Variants in LRRC7 observed in about 807,000 individuals in gnomAD.
The protein encoded by LRRC7 is leucine rich repeat containing 7.
A neutral mutation model predicts 175.7 loss-of-function variants in LRRC7; 23 were observed. That is an observed-to-expected ratio of 0.13 (90% CI 0.09 to 0.19). LRRC7 has a LOEUF of 0.19. Among genes scored for constraint, LRRC7 ranks in the 10% least tolerant of loss-of-function variants. The pLI, the probability that LRRC7 is intolerant of heterozygous loss-of-function variation, is 1.00. For synonymous variants in LRRC7, 685 were observed against 680.9 expected, an observed-to-expected ratio of 1.01 and a Z score of -0.09; for missense variants, 1,354 against 1,904.7, an observed-to-expected ratio of 0.71 and a Z score of 5.38.
intron 25 of LRRC7, among the ~76,000 whole-genome samples, chr1:70,106,755 A>C (rs1665172939): frequency 6.6e-6 from 1 of 152,144 alleles, no homozygotes; most frequent in South Asian, 2.1e-4. Context: ...GAAATTTCCC[A>C]GATATAACAG....
chr1:69,950,096 T>C (rs17131089), intron 8 of LRRC7, among the ~76,000 whole-genome samples: 3,400 of 152,250 alleles, frequency 0.022, 111 homozygotes, highest in African/African-American at 0.078. Context: ...GTTTACTCTA[T>C]GTTTATGTAG....
At chr1:70,080,891 A>G (rs780918710) in intron 24 of LRRC7, among the ~76,000 whole-genome samples, 1 of 152,230 alleles carries the variant, frequency 6.6e-6, no homozygotes, top group African/African-American at 2.4e-5. Flanking sequence ...AAAACCCTTC[A>G]TCAGAATATT....
intron 4 of LRRC7, among the ~76,000 whole-genome samples, chr1:69,820,878 G>A (rs893626236): frequency 6.6e-6 from 1 of 152,174 alleles, no homozygotes; most frequent in Non-Finnish European, 1.5e-5. Flanking sequence ...TATATACCCA[G>A]TAATGGGATT....
intron 3 of LRRC7, among the ~76,000 whole-genome samples, chr1:69,782,106 T>C (rs915328221): frequency 6.6e-6 from 1 of 152,172 alleles, no homozygotes; most frequent in Non-Finnish European, 1.5e-5. Flanking sequence ...AATACCTTAT[T>C]TACAACATTG....
intron 11 of LRRC7, among the ~76,000 whole-genome samples, chr1:70,007,499 G>GA (rs1656095716): frequency 2.0e-5 from 3 of 151,596 alleles, no homozygotes; most frequent in African/African-American, 7.3e-5. Context: ...TAGGAAAAAT[G>GA]AAAAAAATAG....
chr1:69,608,497 G>T (rs982720762), intron 1 of LRRC7, among the ~76,000 whole-genome samples: 5 of 152,014 alleles, frequency 3.3e-5, no homozygotes, highest in Non-Finnish European at 5.9e-5. Flanking sequence ...AGATCATGCT[G>T]CCAGCCAGTG....
chr1:70,044,739 CA>C (rs1275383535), intron 22 of LRRC7, among the ~76,000 whole-genome samples: 2 of 152,108 alleles, frequency 1.3e-5, no homozygotes, highest in Non-Finnish European at 2.9e-5. Flanking sequence ...GAAACATTTC[CA>C]TTGTTAAAGG....
chr1:69,741,884 G>A (rs991073548), intron 2 of LRRC7, among the ~76,000 whole-genome samples: 7 of 151,814 alleles, frequency 4.6e-5, no homozygotes, highest in East Asian at 1.9e-4. Context: ...AGATACAAAC[G>A]CAAATCTGAT....
At chr1:69,674,323 C>T (rs1036065045) in intron 1 of LRRC7, among the ~76,000 whole-genome samples, 8 of 152,064 alleles carry the variant, frequency 5.3e-5, no homozygotes, top group Non-Finnish European at 7.4e-5. Flanking sequence ...CTTAGTTGAG[C>T]CTTCTTCTAC....
chr1:69,909,598 C>T (rs539414294), intron 7 of LRRC7, among the ~76,000 whole-genome samples: 4 of 152,198 alleles, frequency 2.6e-5, no homozygotes, highest in South Asian at 2.1e-4. Flanking sequence ...TAATATTGGC[C>T]CCCACTCTCT....
intron 7 of LRRC7, among the ~76,000 whole-genome samples, chr1:69,886,593 A>C (rs1051036983): frequency 6.6e-6 from 1 of 150,540 alleles, no homozygotes. Flanking sequence ...TGTGTCTTTT[A>C]ATTGGAGCAT....
At chr1:69,950,189 A>G (rs1649773467) in intron 8 of LRRC7, among the ~76,000 whole-genome samples, 1 of 152,130 alleles carries the variant, frequency 6.6e-6, no homozygotes, top group East Asian at 1.9e-4. Context: ...ATAGTAATGA[A>G]AATGAAAGTA....
chr1:69,599,377 CCTT>C (rs1388243957), intron 1 of LRRC7, among the ~76,000 whole-genome samples: 3 of 152,122 alleles, frequency 2.0e-5, no homozygotes, highest in African/African-American at 7.2e-5. Context: ...GCACTGTAAA[CCTT>C]CTATTCTCAT....
chr1:69,938,241 G>A (rs1012249350), intron 8 of LRRC7, among the ~76,000 whole-genome samples: 7 of 152,054 alleles, frequency 4.6e-5, no homozygotes, highest in African/African-American at 7.2e-5. Context: ...TCAAGCAGTC[G>A]TTATAAAAAC....
At chr1:70,080,965 C>G (rs1352079269) in intron 24 of LRRC7, among the ~76,000 whole-genome samples, 1 of 152,198 alleles carries the variant, frequency 6.6e-6, no homozygotes, top group African/African-American at 2.4e-5. Flanking sequence ...TCCCATCCAC[C>G]TTATCCTCCC....
chr1:69,973,338 A>T (rs1479662229), intron 8 of LRRC7, among the ~76,000 whole-genome samples: 1 of 152,002 alleles, frequency 6.6e-6, no homozygotes, highest in African/African-American at 2.4e-5. Flanking sequence ...GGTGCAGTGT[A>T]TACTGCTTGG....
intron 10 of LRRC7, among the ~76,000 whole-genome samples, chr1:69,990,535 G>A (rs146833584): frequency 1.5e-3 from 231 of 152,056 alleles, no homozygotes; most frequent in African/African-American, 5.3e-3. Flanking sequence ...AAAATGTTTA[G>A]ACAGGATTAA....
At chr1:70,106,409 G>T (rs1341233975) in intron 25 of LRRC7, among the ~76,000 whole-genome samples, 2 of 151,966 alleles carry the variant, frequency 1.3e-5, no homozygotes, top group Admixed American at 1.3e-4. Context: ...TTTGTGACTT[G>T]TTTCTTTCAC....
intron 8 of LRRC7, among the ~76,000 whole-genome samples, chr1:69,967,781 G>A (rs12036676): frequency 0.044 from 6,639 of 152,204 alleles, 168 homozygotes; most frequent in South Asian, 0.1. Flanking sequence ...AAACACCCAT[G>A]GGTAAAAAGG....
Sources: gnomAD v4.1 joint callset for allele counts (sites outside exome capture counted in the v4.1 genomes callset) on GRCh38, gnomAD v4.1.1 for gene constraint, MANE v1.5 for transcripts, NCBI Gene and HGNC (gene_info 2026-07-23, HGNC 2026-07-21) for gene names.